LIPA: variants seen among roughly 807,000 people sequenced by gnomAD.
LIPA encodes the protein lipase A, lysosomal acid type.
A neutral mutation model predicts 40.6 loss-of-function variants in LIPA; 26 were observed. The ratio of observed to expected loss-of-function variants is 0.64; its 90% CI spans 0.47 to 0.89. The LOEUF (loss-of-function observed/expected upper bound fraction) is 0.89, where lower values mean the gene tolerates loss of function less well. Ranked by LOEUF, LIPA falls within the 40% of genes least tolerant of loss-of-function variation. LIPA has a pLI of 0.00. For synonymous variants in LIPA, 188 were observed against 168.4 expected (o/e 1.12, Z -0.90); for missense variants, 455 against 479.6 (o/e 0.95, Z 0.48).
intron 1 of LIPA, among the ~76,000 whole-genome samples, chr10:89,260,520 C>T (rs1015339253): frequency 1.3e-5 from 2 of 152,134 alleles, no homozygotes; most frequent in Non-Finnish European, 2.9e-5. Context: ...GTTGTCTCAC[C>T]CTTCATTGCC....
chr10:89,371,407 A>G (rs1844090786), intron 2 of LIPA, among the ~76,000 whole-genome samples: 1 of 152,250 alleles, frequency 6.6e-6, no homozygotes, highest in Admixed American at 6.5e-5. Flanking sequence ...CTGGAGATCA[A>G]TAACATGATC....
At chr10:89,225,309 ACGCCCTCTCGCGG>A (rs1251051700) in intron 5 of LIPA, 81 bp from the exon 6 acceptor site, 1 of 1,567,344 alleles carries the variant, frequency 6.4e-7, no homozygotes, top group African/African-American at 1.4e-5. Context: ...GTCACTCGCG[ACGCCCTCTCGCGG>A]AGGCCTGAGA....
intron 1 of LIPA, among the ~76,000 whole-genome samples, chr10:89,334,286 T>C (rs1043524721): frequency 6.6e-6 from 1 of 152,068 alleles, no homozygotes; most frequent in Non-Finnish European, 1.5e-5. Context: ...CTAGCAGCAC[T>C]AGCTTTAACT....
At chr10:89,372,734 G>T (rs1844098453) in intron 2 of LIPA, among the ~76,000 whole-genome samples, 1 of 152,210 alleles carries the variant, frequency 6.6e-6, no homozygotes, top group African/African-American at 2.4e-5. Flanking sequence ...CCATGGGAAT[G>T]GCATTGAACT....
intron 2 of LIPA, among the ~76,000 whole-genome samples, chr10:89,397,681 A>AT (rs113650131): frequency 0.16 from 23,781 of 151,618 alleles, 3,559 homozygotes; most frequent in African/African-American, 0.39. Flanking sequence ...GATCCAGAGC[A>AT]TTTTTTTTCA....
intron 1 of LIPA, among the ~76,000 whole-genome samples, chr10:89,279,531 G>A (rs1843305109): frequency 2.0e-5 from 3 of 152,200 alleles, no homozygotes; most frequent in Non-Finnish European, 4.4e-5. Flanking sequence ...TAAATGTATT[G>A]GCAGGAGCCA....
At chr10:89,368,770 A>G (rs1844075411) in intron 2 of LIPA, among the ~76,000 whole-genome samples, 1 of 152,150 alleles carries the variant, frequency 6.6e-6, no homozygotes, top group Admixed American at 6.5e-5. Context: ...GGTGCTAGTT[A>G]TAACTCAGGT....
In LIPA at chr10:89,403,900, GA is replaced by G. The variant is rs1195610929; in HGVS notation, c.61+8890del. The G allele has an allele frequency of 9.3e-5, 47 of 505,082 alleles. 1 individual carries two copies. Among genetic ancestry groups the G allele is most frequent in the Non-Finnish European group, 1.5e-4 (43 of 289,752 alleles). 31.3% of individuals were successfully genotyped at this position (505,082 alleles called of 1,614,324 possible). ...AAACAGAATGTGTGTATGCATGTAA[GA>G]AAGAGAAATCATTTGTATGAGTGCT... On this transcript the variant is annotated intron_variant, in intron 2 of 8. Coordinates refer to the LIPA transcript ENST00000371837.
chr10:89,250,324 C>T (rs867388307), intron 1 of LIPA, among the ~76,000 whole-genome samples: 1 of 151,934 alleles, frequency 6.6e-6, no homozygotes, highest in Admixed American at 6.6e-5. Flanking sequence ...AGGATGGTCT[C>T]GATCTCCTGA....
At chr10:89,366,118 T>G (rs997738857) in intron 2 of LIPA, among the ~76,000 whole-genome samples, 6 of 152,222 alleles carry the variant, frequency 3.9e-5, no homozygotes, top group East Asian at 1.9e-4. Flanking sequence ...GTGTCCTCTT[T>G]TATTTCGTTG....
intron 2 of LIPA, among the ~76,000 whole-genome samples, chr10:89,410,468 A>G (rs373378850): frequency 1.3e-5 from 2 of 152,202 alleles, no homozygotes; most frequent in African/African-American, 4.8e-5. Flanking sequence ...ACCTTAACCT[A>G]TATACCGATG....
At chr10:89,354,277 A>G (rs1016324180) in intron 2 of LIPA, among the ~76,000 whole-genome samples, 6 of 152,124 alleles carry the variant, frequency 3.9e-5, no homozygotes, top group African/African-American at 1.4e-4. Context: ...GAGTTGTGCC[A>G]CCTTTCTGAA....
intron 8 of LIPA, among the ~76,000 whole-genome samples, chr10:89,217,062 C>T (rs1047691377): frequency 2.6e-5 from 4 of 152,112 alleles, no homozygotes; most frequent in South Asian, 2.1e-4. Flanking sequence ...CAAAATAGTG[C>T]AAATCCATAT....
intron 1 of LIPA, among the ~76,000 whole-genome samples, chr10:89,297,130 T>A (rs1389698079): frequency 1.3e-5 from 2 of 152,186 alleles, no homozygotes; most frequent in African/African-American, 4.8e-5. Context: ...AGGTATCAAG[T>A]GGCCAGCTTG....
chr10:89,357,444 T>G (rs1843994664), intron 2 of LIPA, among the ~76,000 whole-genome samples: 1 of 152,244 alleles, frequency 6.6e-6, no homozygotes, highest in Non-Finnish European at 1.5e-5. Flanking sequence ...TGTATTTTTC[T>G]AGAATGCAAA....
At chr10:89,222,721 T>A (rs1589553397) in intron 7 of LIPA, 139 bp from the exon 8 acceptor site, 1 of 694,510 alleles carries the variant, frequency 1.4e-6, no homozygotes, top group African/African-American at 1.8e-5. Context: ...TAGAAAAAAA[T>A]TATTTGACTA....
intron 2 of LIPA, among the ~76,000 whole-genome samples, chr10:89,381,552 A>G (rs1844163146): frequency 6.6e-6 from 1 of 152,094 alleles, no homozygotes; most frequent in Non-Finnish European, 1.5e-5. Context: ...CACAGACTCA[A>G]GGATGGAGAA....
At chr10:89,304,018 G>GGTCA (rs1347261218) in intron 1 of LIPA, among the ~76,000 whole-genome samples, 3 of 152,164 alleles carry the variant, frequency 2.0e-5, no homozygotes, top group Middle Eastern at 3.4e-3. Flanking sequence ...ATCCTCCTGG[G>GGTCA]GTCACTACAG....
chr10:89,332,537 C>T (rs973569769), intron 1 of LIPA: 4 of 1,612,846 alleles, frequency 2.5e-6, no homozygotes, highest in Non-Finnish European at 3.4e-6. Flanking sequence ...GGGTGGAAAC[C>T]TCTTCAGCAT....
Sources: allele counts gnomAD v4.1 joint callset (sites outside exome capture counted in the v4.1 genomes callset), GRCh38; gene constraint gnomAD v4.1.1; transcripts MANE v1.5; gene names NCBI Gene and HGNC (gene_info 2026-07-23, HGNC 2026-07-21).